Variants in DNAH14 observed in about 807,000 individuals in gnomAD.
DNAH14 encodes axonemal beta dynein heavy chain 14.
A neutral mutation model predicts 520.9 loss-of-function variants in DNAH14; 478 were observed. The observed-to-expected ratio is 0.92, with a 90% CI of 0.85 to 0.99. DNAH14 has a LOEUF of 0.99. Among genes scored for constraint, DNAH14 ranks in the 50% least tolerant of loss-of-function variants. The pLI, the probability that DNAH14 is intolerant of heterozygous loss-of-function variation, is 0.00. For missense variants in DNAH14, 4,831 were observed against 5,234.5 expected, an observed-to-expected ratio of 0.92 and a Z score of 2.38; for synonymous variants, 1,581 against 1,757.2, an observed-to-expected ratio of 0.90 and a Z score of 2.51.
At position 225,240,749 on chromosome 1, in the gene DNAH14, T is replaced by A. The variant is rs1337886819; in HGVS notation, c.6675T>A (p.Pro2225=). Residue 2225 remains proline, a synonymous_variant, in exon 43 of 86, where the codon CCT becomes CCA. Transcript: ENST00000682510. ...TACCATTTTGTCCCAGTCTTGAACC[T>A]GATTCTCTTGCAAAAGTAACATACG... ...ENIPFCPSLE[P]DSLAKVTYDF... 32 of 1,550,532 alleles carry A rather than the reference T, an allele frequency of 2.1e-5. 1 individual carries two copies. In the Admixed American group the frequency reaches 2.4e-4, roughly 11 times the overall value.
chr1:225,257,216 A>G (rs1353621030), intron 44 of DNAH14, among the ~76,000 whole-genome samples: 1 of 152,224 alleles, frequency 6.6e-6, no homozygotes, highest in Non-Finnish European at 1.5e-5. Flanking sequence ...CCACCACTGG[A>G]GAACTGCTAT....
intron 43 of DNAH14, among the ~76,000 whole-genome samples, chr1:225,243,024 T>G (rs1229975189): frequency 6.6e-6 from 1 of 152,212 alleles, no homozygotes; most frequent in Admixed American, 6.5e-5. Context: ...AAAGATTCTA[T>G]GTTATTTCCT....
chr1:225,039,468 G>A (rs192909821), intron 12 of DNAH14, among the ~76,000 whole-genome samples: 15 of 151,316 alleles, frequency 9.9e-5, no homozygotes, highest in Non-Finnish European at 1.5e-4. Flanking sequence ...CCCATCAAAT[G>A]TATCTGTTAT....
chr1:224,975,595 C>T (rs185992966), intron 8 of DNAH14, among the ~76,000 whole-genome samples: 7,231 of 145,464 alleles, frequency 0.05, 328 homozygotes, highest in East Asian at 0.21. Context: ...TTTTTTATTG[C>T]GTCTATTTGA....
chr1:225,278,433 A>G (rs1015000093), intron 54 of DNAH14, among the ~76,000 whole-genome samples: 2 of 152,162 alleles, frequency 1.3e-5, no homozygotes, highest in Non-Finnish European at 2.9e-5. Flanking sequence ...CCACCACGCT[A>G]TTTAAGCCAC....
intron 44 of DNAH14, among the ~76,000 whole-genome samples, chr1:225,256,164 A>C (rs1558172769): frequency 6.6e-6 from 1 of 152,246 alleles, no homozygotes; most frequent in Non-Finnish European, 1.5e-5. Context: ...ATAAGCAATA[A>C]GAGAATTTAG....
chr1:225,329,132 A>G (rs1290645126), intron 64 of DNAH14, among the ~76,000 whole-genome samples: 1 of 152,190 alleles, frequency 6.6e-6, no homozygotes, highest in Non-Finnish European at 1.5e-5. Context: ...CCAAGAGATG[A>G]TATCAGGAAA....
At chr1:225,393,440 G>T (rs148704817) in intron 84 of DNAH14, among the ~76,000 whole-genome samples, 1 of 152,218 alleles carries the variant, frequency 6.6e-6, no homozygotes, top group East Asian at 1.9e-4. Context: ...ACTGCAGGCA[G>T]TGTAACACAA....
intron 42 of DNAH14, among the ~76,000 whole-genome samples, chr1:225,238,386 A>C (rs1448343873): frequency 6.6e-6 from 1 of 151,944 alleles, no homozygotes; most frequent in Non-Finnish European, 1.5e-5. Context: ...GCTGCAGTTT[A>C]TTGGAGGTCC....
intron 10 of DNAH14, among the ~76,000 whole-genome samples, chr1:225,011,758 CTTT>C (rs200216236): frequency 1.3e-4 from 11 of 82,132 alleles, no homozygotes; most frequent in African/African-American, 6.6e-4. Flanking sequence ...GCAACCTCTG[CTTT>C]TTTTTTTTTT....
chr1:225,260,351 C>CAAA (rs1252770479), intron 46 of DNAH14, among the ~76,000 whole-genome samples: 3 of 104,570 alleles, frequency 2.9e-5, no homozygotes, highest in African/African-American at 1.0e-4. Flanking sequence ...GACTCCATCT[C>CAAA]AAAAAAAAAA....
At chr1:224,942,009 A>G (rs922445228) in intron 1 of DNAH14, among the ~76,000 whole-genome samples, 1 of 152,156 alleles carries the variant, frequency 6.6e-6, no homozygotes, top group Non-Finnish European at 1.5e-5. Context: ...TTGGTTCCAT[A>G]TGAACTTTAA....
At chr1:225,322,331 C>T (rs1394134923) in intron 61 of DNAH14, among the ~76,000 whole-genome samples, 6 of 151,852 alleles carry the variant, frequency 4.0e-5, no homozygotes, top group Admixed American at 2.0e-4. Context: ...CCAAGTGATC[C>T]GCCCGCCTCA....
intron 69 of DNAH14, among the ~76,000 whole-genome samples, chr1:225,345,087 A>T (rs987271062): frequency 1.3e-5 from 2 of 152,140 alleles, no homozygotes; most frequent in African/African-American, 2.4e-5. Context: ...ATGGTGTGGT[A>T]GGGTGAGTAC....
chr1:224,936,246 C>T (rs923315107), intron 1 of DNAH14, among the ~76,000 whole-genome samples: 4 of 151,294 alleles, frequency 2.6e-5, no homozygotes, highest in South Asian at 2.1e-4. Context: ...GACTAAAAAA[C>T]ATAGAGGATC....
intron 54 of DNAH14, among the ~76,000 whole-genome samples, chr1:225,287,742 C>T (rs985731557): frequency 1.3e-5 from 2 of 151,962 alleles, no homozygotes; most frequent in Non-Finnish European, 2.9e-5. Context: ...GGGAAAATTG[C>T]TGATTATAGG....
chr1:225,297,206 G>C (rs1045223796), intron 55 of DNAH14, among the ~76,000 whole-genome samples: 1 of 151,784 alleles, frequency 6.6e-6, no homozygotes, highest in African/African-American at 2.4e-5. Context: ...TCTGAGATGT[G>C]TTTTTGATCC....
chr1:224,949,544 A>G (rs1031995), intron 1 of DNAH14, among the ~76,000 whole-genome samples: 99,992 of 152,110 alleles, frequency 0.66, 34,602 homozygotes, highest in African/African-American at 0.87. Flanking sequence ...TAGTTAACCC[A>G]TCTTTTATTT....
At chr1:224,952,588 A>G (rs1485772931) in intron 1 of DNAH14, 82 bp from the exon 2 acceptor site, 3 of 713,342 alleles carry the variant, frequency 4.2e-6, no homozygotes, top group Non-Finnish European at 6.5e-6. Context: ...GCTGGGAACT[A>G]TATATGCCAT....
Sources: gnomAD v4.1 joint callset for allele counts (sites outside exome capture counted in the v4.1 genomes callset) on GRCh38, gnomAD v4.1.1 for gene constraint, MANE v1.5 for transcripts, NCBI Gene and HGNC (gene_info 2026-07-23, HGNC 2026-07-21) for gene names.